Variants in MYO3B observed in about 807,000 individuals in gnomAD.
The protein encoded by MYO3B is myosin IIIB, also known as myosin-IIIb.
MYO3B carries 156 observed loss-of-function variants against 174.6 expected under a neutral mutation model. That is an observed-to-expected ratio of 0.89 (90% CI 0.78 to 1.02). The LOEUF (loss-of-function observed/expected upper bound fraction) is 1.02, where lower values mean the gene tolerates loss of function less well. Among genes scored for constraint, MYO3B ranks in the 50% least tolerant of loss-of-function variants. MYO3B has a pLI of 0.00. For synonymous variants in MYO3B, 563 were observed against 569.1 expected, an observed-to-expected ratio of 0.99 and a Z score of 0.15; for missense variants, 1,632 against 1,639.4, an observed-to-expected ratio of 1.00 and a Z score of 0.08.
rs768874499 is a variant in MYO3B, at chr2:170,214,769, A to T, written c.467A>T (p.Asp156Val). The T allele has an allele frequency of 3.1e-6, 5 of 1,614,122 alleles. No individual in the cohort carries two copies. Among genetic ancestry groups the T allele is most frequent in the Non-Finnish European group, 4.2e-6 (5 of 1,179,986 alleles). Residue 156 changes from aspartate (D) to valine (V), a missense_variant, in exon 5 of 35, where the codon GAT becomes GTT. Transcript: ENST00000408978. ...HLHNNRIIHR[D>V]VKGNNILLTT... ...CACAACAACCGAATCATCCACCGTG[A>T]TGTGAAGGGGAATAACATTCTTCTG... is the stretch of plus-strand genomic sequence containing the variant.
intron 32 of MYO3B, among the ~76,000 whole-genome samples, chr2:170,629,748 G>A (rs943470450): frequency 1.3e-5 from 2 of 152,166 alleles, no homozygotes; most frequent in Non-Finnish European, 1.5e-5. Context: ...TACTCACGAG[G>A]CTGAGACAGG....
chr2:170,301,088 T>C (rs1188562910), intron 7 of MYO3B, among the ~76,000 whole-genome samples: 2 of 152,204 alleles, frequency 1.3e-5, no homozygotes, highest in Non-Finnish European at 2.9e-5. Flanking sequence ...GGAAAGGGAA[T>C]TGGACTCTAA....
At chr2:170,594,729 A>G (rs1256821695) in intron 32 of MYO3B, among the ~76,000 whole-genome samples, 1 of 151,984 alleles carries the variant, frequency 6.6e-6, no homozygotes, top group Non-Finnish European at 1.5e-5. Context: ...AATCCCATCT[A>G]TATTCCAGTC....
chr2:170,370,942 G>A (rs2094238897), intron 9 of MYO3B, among the ~76,000 whole-genome samples: 2 of 150,654 alleles, frequency 1.3e-5, no homozygotes, highest in African/African-American at 4.9e-5. Context: ...GAACAGGCCA[G>A]GTGCGGTGGC....
intron 7 of MYO3B, among the ~76,000 whole-genome samples, chr2:170,329,430 G>T (rs1205888879): frequency 2.0e-5 from 3 of 151,826 alleles, no homozygotes; most frequent in African/African-American, 7.3e-5. Flanking sequence ...CGCCAGGCTG[G>T]AGTGGAGTGA....
chr2:170,542,674 G>A lies in MYO3B; in HGVS notation c.3576-232G>A, dbSNP rs7562198. Among the ~76,000 whole-genome samples the A allele has an allele frequency of 9.8e-3, 1,488 of 152,230 alleles. 24 individuals are homozygous for A. Among genetic ancestry groups the A allele is most frequent in the African/African-American group, 0.034 (1,393 of 41,520 alleles). On this transcript the variant is annotated intron_variant, in intron 30 of 34. Transcript: ENST00000408978. Reference sequence around the variant, plus strand: ...ACAACTTTAAAAGGAGCAGTTTCTTGGGTCTTAGGAATTCAGGCAGACTGT... The same window carrying A: ...ACAACTTTAAAAGGAGCAGTTTCTTAGGTCTTAGGAATTCAGGCAGACTGT...
At chr2:170,483,544 G>A (rs186724375) in intron 25 of MYO3B, among the ~76,000 whole-genome samples, 1,668 of 128,892 alleles carry the variant, frequency 0.013, 75 homozygotes, top group East Asian at 0.085. Context: ...CCGCTACCAC[G>A]CCCGGCTAAT....
At chr2:170,645,529 TA>T (rs1378464293) in intron 32 of MYO3B, among the ~76,000 whole-genome samples, 1 of 146,870 alleles carries the variant, frequency 6.8e-6, no homozygotes. Context: ...TTTCTCTACA[TA>T]AACTAATCAA....
At chr2:170,493,835 T>C (rs1364714969) in intron 25 of MYO3B, among the ~76,000 whole-genome samples, 1 of 152,008 alleles carries the variant, frequency 6.6e-6, no homozygotes, top group Non-Finnish European at 1.5e-5. Context: ...GAGGCCCACG[T>C]GGCAAGGAGC....
intron 8 of MYO3B, among the ~76,000 whole-genome samples, chr2:170,356,286 G>A (rs1558919233): frequency 6.6e-6 from 1 of 151,598 alleles, no homozygotes. Context: ...ACATTGAAGA[G>A]TGTCATAAGA....
chr2:170,446,750 G>T (rs2094845397), intron 23 of MYO3B, among the ~76,000 whole-genome samples: 1 of 152,074 alleles, frequency 6.6e-6, no homozygotes. Context: ...CCATCAAAAG[G>T]TTTATGGCTG....
rs1470989836 is a variant in MYO3B, at chr2:170,466,508, T to G, written c.2811T>G (p.Tyr937Ter). The G allele has an allele frequency of 2.5e-6, 4 of 1,614,138 alleles. No individual in the cohort carries two copies. Among genetic ancestry groups the G allele is most frequent in the Non-Finnish European group, 3.4e-6 (4 of 1,180,004 alleles). Residue 937 changes from tyrosine (Y) to a stop codon, truncating the protein, a stop_gained and splice_region_variant, in exon 25 of 35, where the codon TAT becomes TAG. Transcript: ENST00000408978. LOFTEE classifies it high-confidence loss of function. ...TTGTGCATTTTTCTCCCTGGTAGTA[T>G]TCTCTGATGGACCTGCTCTCCAAAA... Reference protein sequence around the residue: ...KRQTVASYFRYSLMDLLSKMV... With the variant: ...KRQTVASYFR
intron 27 of MYO3B, among the ~76,000 whole-genome samples, chr2:170,500,616 G>A (rs1687199789): frequency 6.6e-6 from 1 of 152,182 alleles, no homozygotes; most frequent in South Asian, 2.1e-4. Context: ...CTGACTTGCA[G>A]GTAAGCAAAC....
At chr2:170,409,534 C>T (rs1451741785) in intron 22 of MYO3B, among the ~76,000 whole-genome samples, 1 of 152,198 alleles carries the variant, frequency 6.6e-6, no homozygotes, top group Non-Finnish European at 1.5e-5. Context: ...TTGAGTATAG[C>T]TTAGGATTCT....
intron 21 of MYO3B, 108 bp from the exon 22 acceptor site, chr2:170,407,607 G>T: frequency 2.1e-6 from 1 of 486,076 alleles, no homozygotes; most frequent in Non-Finnish European, 3.3e-6. Flanking sequence ...GCTATGTAAA[G>T]ATGAGTTCTA....
intron 7 of MYO3B, among the ~76,000 whole-genome samples, chr2:170,242,289 A>C (rs531896267): frequency 3.3e-4 from 50 of 152,156 alleles, no homozygotes; most frequent in Non-Finnish European, 6.2e-4. Context: ...CAATAGAAAA[A>C]CAGTTATGTT....
intron 32 of MYO3B, among the ~76,000 whole-genome samples, chr2:170,575,773 A>G (rs4667644): frequency 0.047 from 7,112 of 152,242 alleles, 365 homozygotes; most frequent in East Asian, 0.25. Flanking sequence ...TCTAATACAT[A>G]TTCTATACTT....
chr2:170,192,574 T>C (rs947668218), intron 1 of MYO3B, among the ~76,000 whole-genome samples: 4 of 151,318 alleles, frequency 2.6e-5, no homozygotes, highest in African/African-American at 9.7e-5. Flanking sequence ...TTTCTGCTTT[T>C]ATTTTTTCTT....
chr2:170,633,013 C>G (rs1697146061), intron 32 of MYO3B, among the ~76,000 whole-genome samples: 1 of 152,146 alleles, frequency 6.6e-6, no homozygotes, highest in African/African-American at 2.4e-5. Flanking sequence ...CAGGGTCAGA[C>G]AGATTCACAG....
Sources: gnomAD v4.1 joint callset for allele counts (sites outside exome capture counted in the v4.1 genomes callset) on GRCh38, gnomAD v4.1.1 for gene constraint, MANE v1.5 for transcripts, NCBI Gene and HGNC (gene_info 2026-07-23, HGNC 2026-07-21) for gene names.